Variants in MED1 observed in about 807,000 individuals in gnomAD.
MED1 encodes the protein mediator complex subunit 1.
In MED1, 17 loss-of-function variants were observed where a neutral mutation model predicts 121.3. That is an observed-to-expected ratio of 0.14 (90% CI 0.10 to 0.21). MED1 has a LOEUF of 0.21. Among genes scored for constraint, MED1 ranks in the 10% least tolerant of loss-of-function variants. The probability of loss-of-function intolerance (pLI) is 1.00; values close to 1 mark genes in which losing one functional copy is unlikely to be tolerated. For synonymous variants in MED1, 661 were observed against 694.4 expected (o/e 0.95, Z 0.76); for missense variants, 1,558 against 1,919.4 (o/e 0.81, Z 3.52).
Position 39,408,065 on chromosome 17 carries a change from T to TCCC in MED1, c.4153_4155dup (p.Gly1385dup), listed in dbSNP as rs2048319962. 3.1e-6 allele frequency: 5 copies of TCCC among 1,614,208 alleles called. No homozygotes were observed. The highest frequency in any genetic ancestry group is 4.2e-6 in the Non-Finnish European group (5 of 1,180,040). On this transcript the variant is annotated inframe_insertion, in exon 17 of 17. Transcript: ENST00000300651. The surrounding 1 kb of genome is among the most constrained non-coding windows in gnomAD (Gnocchi z 4.7). The stretch of plus-strand genomic sequence containing the variant: ...ATGATAATTTTTGCCACACCTGTGC[T>TCCC]CCCCACATTTTTTGACTCTGAGGTC...
chr17:39,439,985 AGAAG>A (rs1172811100), intron 5 of MED1, among the ~76,000 whole-genome samples: 3,475 of 125,620 alleles, frequency 0.028, 97 homozygotes, highest in African/African-American at 0.069. Flanking sequence ...AAAGAAAGAA[AGAAG>A]GAAGGAAGGA....
intron 6 of MED1, among the ~76,000 whole-genome samples, chr17:39,436,494 A>G (rs976590916): frequency 1.3e-5 from 2 of 152,144 alleles, no homozygotes; most frequent in African/African-American, 4.8e-5. Flanking sequence ...AGTGTATGTA[A>G]TAACTTCCTT....
Position 39,407,681 on chromosome 17 carries a change from G to A in MED1, c.4540C>T (p.Arg1514Ter), listed in dbSNP as rs1289590126. The change falls in exon 17 of 17, where the codon CGA becomes TGA. Residue 1514 changes from arginine (R) to a stop codon, truncating the protein, a stop_gained. Coordinates refer to ENST00000300651, the MANE Select transcript of MED1 (RefSeq NM_004774.4). LOFTEE classifies it high-confidence loss of function. ...TTGTCTCGGTCTTTGTCCCGGTCTC[G>A]GTCCCTATCTTTGTCTTTTACTTTC... is the stretch of plus-strand genomic sequence containing the variant. ...KKKVKDKDRD[R>*]DRDKDRDKKK... The A allele has an allele frequency of 3.7e-6, 6 of 1,613,926 alleles. No homozygotes were observed. The highest frequency in any genetic ancestry group is 2.2e-5 in the East Asian group (1 of 44,880).
At position 39,407,262 on chromosome 17, in the gene MED1, G is replaced by T; in HGVS notation, c.*213C>A. On this transcript the variant is annotated 3_prime_UTR_variant, in exon 17 of 17. Transcript: ENST00000300651. ...ACTTTCTTTCTGGCACAGGAACAAA[G>T]AAGACTTCCTGGTAACCAGAATCAA... The T allele has an allele frequency of 8.8e-7, 1 of 1,135,064 alleles. No homozygotes were observed. Among genetic ancestry groups the T allele is most frequent in the Non-Finnish European group, 1.1e-6 (1 of 937,494 alleles). 70.3% of individuals were successfully genotyped at this position (1,135,064 alleles called of 1,614,324 possible).
intron 2 of MED1, 151 bp from the exon 3 acceptor site, chr17:39,443,779 G>T: frequency 8.5e-6 from 5 of 588,296 alleles, no homozygotes; most frequent in South Asian, 2.4e-5. Context: ...GAGTAACACT[G>T]GTCTACAAGT....
Position 39,419,844 on chromosome 17 carries a change from T to C in MED1, c.1170A>G (p.Gly390=), listed in dbSNP as rs1180927268. The C allele has an allele frequency of 6.2e-7, 1 of 1,614,086 alleles. No homozygotes were observed. Among genetic ancestry groups the C allele is most frequent in the Non-Finnish European group, 8.5e-7 (1 of 1,179,998 alleles). Residue 390 remains glycine, a synonymous_variant, in exon 14 of 17, where the codon GGA becomes GGG. Transcript: ENST00000300651. ...GAAAGGTGATTTTGCTAACAAGGGT[T>C]CCCTGTAGACTTCGGCCATCTGGAA... ...APLPDGRSLQ[G]TLVSKITFQH... is the part of the protein sequence containing the mutation.
intron 10 of MED1, among the ~76,000 whole-genome samples, chr17:39,425,019 A>G (rs1411782809): frequency 1.3e-5 from 2 of 152,044 alleles, no homozygotes; most frequent in African/African-American, 2.4e-5. Context: ...AGCTGGAACT[A>G]CAGGCGCCCA....
At chr17:39,424,089 G>A (rs979835050) in intron 11 of MED1, among the ~76,000 whole-genome samples, 1 of 151,984 alleles carries the variant, frequency 6.6e-6, no homozygotes, top group Non-Finnish European at 1.5e-5. Flanking sequence ...CACCATGTTG[G>A]CCAGGCTGGT....
chr17:39,413,751 A>C (rs1186871007), intron 16 of MED1, among the ~76,000 whole-genome samples: 1 of 152,026 alleles, frequency 6.6e-6, no homozygotes, highest in Admixed American at 6.6e-5. Flanking sequence ...AAAAAATAAA[A>C]GAATAAAAAG....
In MED1 at chr17:39,410,072, C is replaced by T. The variant is rs1207805732; in HGVS notation, c.2149G>A (p.Val717Ile). ...DFQRELFSMD[V>I]DSQNPIFDVN... is the part of the protein sequence containing the mutation. ...TCAAAGATAGGGTTCTGTGAGTCAA[C>T]ATCCATTGAAAATAGCTCCCTCTGA... Residue 717 changes from valine (V) to isoleucine (I), a missense_variant, in exon 17 of 17, where the codon GTT becomes ATT. Physicochemically the swap from Val to Ile is conservative, Grantham distance 29. Around this residue, in one of 5 missense-constraint regions of MED1, gnomAD observed 793 missense variants for 898.2 expected, o/e 0.88. Transcript: ENST00000300651. 6.8e-6 allele frequency: 11 copies of T among 1,613,990 alleles called. No homozygotes were observed. The Admixed American group carries it at 1.5e-4, about 22-fold the overall frequency.
chr17:39,442,802 G>T (rs2144769552), intron 3 of MED1, among the ~76,000 whole-genome samples: 2 of 149,576 alleles, frequency 1.3e-5, no homozygotes, highest in East Asian at 4.0e-4. Flanking sequence ...CTACTTGGGA[G>T]GCTGAGGCAG....
chr17:39,421,679 G>A (rs1034158650), intron 13 of MED1, among the ~76,000 whole-genome samples: 1 of 152,106 alleles, frequency 6.6e-6, no homozygotes, highest in African/African-American at 2.4e-5. Context: ...GTGAGTCACT[G>A]TGCCCAGCCT....
chr17:39,427,841 A>C (rs947713232), intron 9 of MED1, 51 bp from the exon 10 acceptor site: 4 of 1,107,194 alleles, frequency 3.6e-6, no homozygotes, highest in Non-Finnish European at 5.3e-6. Flanking sequence ...AATTACAAAC[A>C]CAGAAAAACA....
At position 39,409,268 on chromosome 17, in the gene MED1, C is replaced by A; in HGVS notation, c.2953G>T (p.Gly985Trp). The change falls in exon 17 of 17, where the codon GGG becomes TGG. Residue 985 changes from glycine (G) to tryptophan (W), a missense_variant. Around this residue, in one of 5 missense-constraint regions of MED1, gnomAD observed 793 missense variants for 898.2 expected, o/e 0.88. Transcript: ENST00000300651. Reference protein sequence around the residue: ...GNGTSNSTLSGPGLDSKPGKR... With the variant: ...GNGTSNSTLSWPGLDSKPGKR... ...CCTGGTTTGCTGTCTAATCCGGGCC[C>A]CGAGAGAGTACTATTACTGGTGCCA... 6.2e-7 allele frequency: 1 copy of A among 1,614,052 alleles called. No homozygotes were observed. Among genetic ancestry groups the A allele is most frequent in the Non-Finnish European group, 8.5e-7 (1 of 1,180,012 alleles).
rs766613622 is a variant in MED1, at chr17:39,410,555, G to T, written c.1666C>A (p.Pro556Thr). ...PGYGMTTGNN[P>T]MSGTTTPTNT... ...GTTGGTGTAGTGGTACCACTCATTG[G>T]GTTGTTGCCTGTGGTCATGCCATAC... Residue 556 changes from proline to threonine, a missense_variant, in exon 17 of 17, where the codon CCA becomes ACA. Pro to Thr is a conservative substitution (Grantham distance 38, BLOSUM62 -1). Around this residue, in one of 5 missense-constraint regions of MED1, gnomAD observed 50 missense variants for 134.5 expected, o/e 0.37. Transcript: ENST00000300651. 4.3e-6 allele frequency: 7 copies of T among 1,613,974 alleles called. No individual in the cohort carries two copies. The Admixed American group carries it at 1.2e-4, about 27-fold the overall frequency.
Position 39,410,231 on chromosome 17 carries a change from T to A in MED1, c.1990A>T (p.Ser664Cys), listed in dbSNP as rs2048343744. The A allele has an allele frequency of 1.2e-6, 2 of 1,613,978 alleles. No homozygotes were observed. The highest frequency in any genetic ancestry group is 8.5e-7 in the Non-Finnish European group (1 of 1,180,018). ...AQDFSTLYGSSPLERQNSSSG... is the reference protein window; with the variant it reads ...AQDFSTLYGSCPLERQNSSSG... Reference sequence around the variant, plus strand: ...GAGGAGTTCTGCCTTTCTAAAGGGCTGCTTCCATAAAGGGTTGAGAAATCC... The same window carrying A: ...GAGGAGTTCTGCCTTTCTAAAGGGCAGCTTCCATAAAGGGTTGAGAAATCC... The change falls in exon 17 of 17, where the codon AGC (serine) becomes TGC (cysteine). Residue 664 changes from serine (S) to cysteine (C), a missense_variant. Transcript: ENST00000300651.
intron 14 of MED1, among the ~76,000 whole-genome samples, chr17:39,416,106 A>G (rs982383186): frequency 2.0e-5 from 3 of 152,130 alleles, no homozygotes; most frequent in African/African-American, 7.2e-5. Context: ...AACCTACTAT[A>G]TGTCATCCAC....
In MED1 at chr17:39,410,690, T is replaced by C; in HGVS notation, c.1531A>G (p.Ile511Val). Residue 511 changes from isoleucine to valine, a missense_variant, in exon 17 of 17, where the codon ATT (isoleucine) becomes GTT (valine). Around this residue, in one of 5 missense-constraint regions of MED1, gnomAD observed 50 missense variants for 134.5 expected, o/e 0.37. Transcript: ENST00000300651. ...CMSIPVTMRA[I>V]RRKAETIQAD... The stretch of plus-strand genomic sequence containing the variant: ...TGAATGGTTTCAGCTTTCCTCCGAA[T>C]AGCCCTCATCGTCACAGGGATGGAC... The C allele has an allele frequency of 6.2e-7, 1 of 1,613,034 alleles. No individual in the cohort carries two copies. The highest frequency in any genetic ancestry group is 8.5e-7 in the Non-Finnish European group (1 of 1,179,178).
chr17:39,449,753 G>A (rs376526380), intron 1 of MED1, among the ~76,000 whole-genome samples: 15 of 143,676 alleles, frequency 1.0e-4, no homozygotes, highest in African/African-American at 3.1e-4. Context: ...CAGGTGATCC[G>A]CCCACCTCAG....
Sources: gnomAD v4.1 joint callset for allele counts (sites outside exome capture counted in the v4.1 genomes callset) on GRCh38, gnomAD v4.1.1 for gene constraint, gnomAD v4.1.1 regional missense constraint, Gnocchi (gnomAD v3.1) non-coding constraint, MANE v1.5 for transcripts, NCBI Gene and HGNC (gene_info 2026-07-23, HGNC 2026-07-21) for gene names.